TIMM23: variants seen among roughly 807,000 people sequenced by gnomAD.
The protein encoded by TIMM23 is translocase of inner mitochondrial membrane 23, also known as mitochondrial import inner membrane translocase subunit Tim23.
A neutral mutation model predicts 30.7 loss-of-function variants in TIMM23; 19 were observed. The ratio of observed to expected loss-of-function variants is 0.62; its 90% CI spans 0.43 to 0.91. TIMM23 has a LOEUF of 0.91. Ranked by LOEUF, TIMM23 falls within the 40% of genes least tolerant of loss-of-function variation. The pLI is 0.00. For synonymous variants in TIMM23, 78 were observed against 98.5 expected (o/e 0.79, Z 1.23); for missense variants, 202 against 269.2 (o/e 0.75, Z 1.75).
At chr10:45,996,371 A>C (rs1838332547) in intron 6 of TIMM23, among the ~76,000 whole-genome samples, 1 of 148,698 alleles carries the variant, frequency 6.7e-6, no homozygotes, top group Non-Finnish European at 1.5e-5. Flanking sequence ...CAAAAAAAGA[A>C]ATGTTATGAA....
chr10:46,002,644 G>A (rs1030415060), intron 6 of TIMM23, among the ~76,000 whole-genome samples: 4 of 151,996 alleles, frequency 2.6e-5, no homozygotes, highest in Admixed American at 1.3e-4. Flanking sequence ...TTGGAACTCC[G>A]TAATAAACTG....
intron 1 of TIMM23, among the ~76,000 whole-genome samples, chr10:45,975,173 C>T (rs1368433210): frequency 6.6e-6 from 1 of 152,202 alleles, no homozygotes; most frequent in Non-Finnish European, 1.5e-5. Flanking sequence ...ATGGCCTGGA[C>T]TACACTTCCT....
chr10:45,982,105 T>C (rs1330168706), intron 2 of TIMM23, among the ~76,000 whole-genome samples: 1 of 152,328 alleles, frequency 6.6e-6, no homozygotes, highest in East Asian at 1.9e-4. Flanking sequence ...TAGTTTTTGC[T>C]CATGTTTGTG....
Position 45,985,384 on chromosome 10 carries a change from A to G in TIMM23, c.346A>G (p.Ile116Val). The change falls in exon 5 of 7, where the codon ATT (isoleucine) becomes GTT (valine). Residue 116 changes from isoleucine (I) to valine (V), a missense_variant and splice_region_variant. By Grantham distance (29) the Ile-to-Val change is conservative. Transcript: ENST00000580018. ...MAWSKPRNVQ[I>V]LNMVTRQGAL... ...TTCTTTCTCTTTCTGCCCTGATAGG[A>G]TTTTGAATATGGTGACTAGGCAAGG... The G allele has an allele frequency of 6.2e-7, 1 of 1,613,484 alleles. No individual in the cohort carries two copies. The highest frequency in any genetic ancestry group is 2.2e-5 in the East Asian group (1 of 44,816).
chr10:46,002,613 AGCAG>A lies in TIMM23; in HGVS notation c.515-588_515-585del, dbSNP rs1199755589. ...TAGTGGAGTTCTAAATCATATTACTAGCAGGAAACGACTGTTCTAGTTGGAACTC... is the reference window on the plus strand; with the variant it reads ...TAGTGGAGTTCTAAATCATATTACTAGAAACGACTGTTCTAGTTGGAACTC... On this transcript the variant is annotated intron_variant, in intron 6 of 6. Coordinates refer to ENST00000580018, the MANE Select transcript of TIMM23 (RefSeq NM_006327.4). 9.8e-6 allele frequency: 5 copies of A among 510,470 alleles called. No homozygotes were observed. The African/African-American group carries it at 1.0e-4, about 11-fold the overall frequency. 31.6% of individuals were successfully genotyped at this position (510,470 alleles called of 1,614,324 possible).
intron 5 of TIMM23, among the ~76,000 whole-genome samples, chr10:45,985,735 G>A (rs878959777): frequency 1.3e-5 from 2 of 152,158 alleles, no homozygotes; most frequent in African/African-American, 4.8e-5. Flanking sequence ...TGAAATCCAG[G>A]TAATTTAGGT....
intron 6 of TIMM23, among the ~76,000 whole-genome samples, chr10:46,000,220 T>TG (rs1838485282): frequency 6.6e-6 from 1 of 152,216 alleles, no homozygotes. Flanking sequence ...GGGTATTGAT[T>TG]GGGGAAGTGA....
At chr10:45,980,353 C>A (rs1370076213) in intron 2 of TIMM23, among the ~76,000 whole-genome samples, 1 of 151,964 alleles carries the variant, frequency 6.6e-6, no homozygotes, top group Admixed American at 6.6e-5. Flanking sequence ...CCCACCTTGG[C>A]CTCCCAAAGT....
intron 5 of TIMM23, 86 bp downstream of exon 5, chr10:45,985,527 C>G: frequency 1.4e-6 from 2 of 1,476,680 alleles, no homozygotes; most frequent in Non-Finnish European, 1.9e-6. Context: ...ATATTCTGGT[C>G]CTAGGATATG....
chr10:45,994,975 A>G (rs1225813733), intron 6 of TIMM23, among the ~76,000 whole-genome samples: 19 of 152,032 alleles, frequency 1.2e-4, no homozygotes, highest in Non-Finnish European at 2.2e-4. Context: ...ACCAGAAATT[A>G]ATAAGACATT....
rs782642377 is a variant in TIMM23, at chr10:46,003,247, C to T, written c.559C>T (p.Leu187Phe). Residue 187 changes from leucine to phenylalanine, a missense_variant, in exon 7 of 7, where the codon CTT (leucine) becomes TTT (phenylalanine). Leu to Phe is a conservative substitution (Grantham distance 22). Coordinates refer to ENST00000580018, the MANE Select transcript of TIMM23 (RefSeq NM_006327.4). Reference sequence around the variant, plus strand: ...ACGAGGTGGTCTGACAGGACTAACACTTACCAGCCTCTATGCACTATATAA... The same window carrying T: ...ACGAGGTGGTCTGACAGGACTAACATTTACCAGCCTCTATGCACTATATAA... The part of the protein sequence containing the change: ...IARGGLTGLT[L>F]TSLYALYNNW... 11 of 1,614,078 alleles carry T rather than the reference C, an allele frequency of 6.8e-6. No individual in the cohort carries two copies. Among genetic ancestry groups the T allele is most frequent in the Non-Finnish European group, 9.3e-6 (11 of 1,180,028 alleles).
At chr10:45,983,865 T>C (rs1415053540) in intron 4 of TIMM23, among the ~76,000 whole-genome samples, 2 of 152,126 alleles carry the variant, frequency 1.3e-5, no homozygotes, top group Non-Finnish European at 2.9e-5. Context: ...CACCTCAGCC[T>C]CCCGAGTAGC....
At chr10:45,985,670 T>G (rs2132259226) in intron 5 of TIMM23, among the ~76,000 whole-genome samples, 1 of 152,322 alleles carries the variant, frequency 6.6e-6, no homozygotes, top group Admixed American at 6.5e-5. Flanking sequence ...TAAAATCTTT[T>G]GGACACTGCA....
Position 45,972,571 on chromosome 10 carries a change from C to G in TIMM23, c.-54C>G. ...CTGTTATTGAGGAGTAACGGCCCAG[C>G]GGACCACCCAGGCTTGAGGCAGCGG... On this transcript the variant is annotated 5_prime_UTR_variant, in exon 1 of 7. Coordinates refer to ENST00000580018, the MANE Select transcript of TIMM23 (RefSeq NM_006327.4). The G allele has an allele frequency of 6.3e-7, 1 of 1,581,840 alleles. No individual in the cohort carries two copies.
intron 6 of TIMM23, among the ~76,000 whole-genome samples, chr10:46,002,060 C>A (rs763205880): frequency 5.9e-5 from 9 of 152,110 alleles, no homozygotes; most frequent in Non-Finnish European, 1.2e-4. Context: ...TTCTTGAGTT[C>A]TTTTCAACTA....
chr10:45,975,597 A>C (rs1250779978), intron 2 of TIMM23, 85 bp downstream of exon 2: 5 of 1,566,216 alleles, frequency 3.2e-6, no homozygotes, highest in Non-Finnish European at 4.4e-6. Context: ...GAACTATGAC[A>C]TACACTTTTG....
intron 2 of TIMM23, among the ~76,000 whole-genome samples, chr10:45,977,473 T>C (rs1374516835): frequency 5.9e-5 from 9 of 152,108 alleles, no homozygotes; most frequent in Non-Finnish European, 1.2e-4. Context: ...AGGGGAGACG[T>C]TAGGACAACT....
At chr10:45,978,643 A>G (rs1297488934) in intron 2 of TIMM23, among the ~76,000 whole-genome samples, 2 of 152,164 alleles carry the variant, frequency 1.3e-5, no homozygotes, top group Non-Finnish European at 2.9e-5. Context: ...AATAATGAGT[A>G]TTGTTGAGGA....
intron 5 of TIMM23, among the ~76,000 whole-genome samples, chr10:45,988,516 C>G (rs1337087566): frequency 6.6e-6 from 1 of 152,010 alleles, no homozygotes; most frequent in Non-Finnish European, 1.5e-5. Flanking sequence ...CTGAAGTGCC[C>G]CAGTAATACA....
Sources: allele counts gnomAD v4.1 joint callset (sites outside exome capture counted in the v4.1 genomes callset), GRCh38; gene constraint gnomAD v4.1.1; transcripts MANE v1.5; gene names NCBI Gene and HGNC (gene_info 2026-07-23, HGNC 2026-07-21).